Variants in KLHL1 observed in about 807,000 individuals in gnomAD.
KLHL1 encodes kelch like family member 1, also known as kelch-like protein 1.
In KLHL1, 47 loss-of-function variants were observed where a neutral mutation model predicts 77.7. That is an observed-to-expected ratio of 0.60 (90% CI 0.48 to 0.77). KLHL1 has a LOEUF of 0.77. KLHL1 is among the 30% of genes least tolerant of loss of function. The pLI, the probability that KLHL1 is intolerant of heterozygous loss-of-function variation, is 0.00. For missense variants in KLHL1, 925 were observed against 910.8 expected (o/e 1.02, Z -0.20); for synonymous variants, 360 against 325.2 (o/e 1.11, Z -1.15).
intron 7 of KLHL1, among the ~76,000 whole-genome samples, chr13:69,781,310 A>T: frequency 7.8e-6 from 1 of 128,026 alleles, no homozygotes; most frequent in Non-Finnish European, 1.6e-5. Context: ...TTTTTTGTCA[A>T]ATATCAAGTT....
At chr13:69,912,639 G>A (rs564661661) in intron 4 of KLHL1, among the ~76,000 whole-genome samples, 2 of 152,192 alleles carry the variant, frequency 1.3e-5, no homozygotes, top group East Asian at 1.9e-4. Context: ...TATATTGGGA[G>A]GTAGCAGGTG....
intron 8 of KLHL1, among the ~76,000 whole-genome samples, chr13:69,725,008 TGTG>T (rs1314865856): frequency 1.3e-5 from 2 of 152,152 alleles, no homozygotes; most frequent in Non-Finnish European, 2.9e-5. Context: ...ATGCTGCACA[TGTG>T]GTGGGTTTGT....
chr13:69,706,050 C>T (rs1875611222), intron 10 of KLHL1, among the ~76,000 whole-genome samples: 1 of 151,676 alleles, frequency 6.6e-6, no homozygotes, highest in South Asian at 2.1e-4. Flanking sequence ...TTAATGCATG[C>T]AGGGTTTGCT....
chr13:70,042,697 T>G (rs1886405410), intron 1 of KLHL1, among the ~76,000 whole-genome samples: 1 of 152,204 alleles, frequency 6.6e-6, no homozygotes, highest in Non-Finnish European at 1.5e-5. Flanking sequence ...ATTATAATTT[T>G]TATTATTCTT....
At chr13:69,942,571 C>A (rs1191276570) in intron 3 of KLHL1, among the ~76,000 whole-genome samples, 1 of 151,972 alleles carries the variant, frequency 6.6e-6, no homozygotes, top group Non-Finnish European at 1.5e-5. Context: ...TTTTCCATAT[C>A]ATATTTTGTT....
At chr13:69,999,707 G>A (rs575703518) in intron 1 of KLHL1, among the ~76,000 whole-genome samples, 44 of 152,154 alleles carry the variant, frequency 2.9e-4, no homozygotes, top group Non-Finnish European at 2.9e-4. Flanking sequence ...GTGTGGAACT[G>A]TGGTAGAACT....
chr13:69,874,976 A>G (rs1880712813), intron 5 of KLHL1, among the ~76,000 whole-genome samples: 1 of 152,088 alleles, frequency 6.6e-6, no homozygotes, highest in African/African-American at 2.4e-5. Flanking sequence ...TGTTTTTTGT[A>G]ATTTGTTTCT....
Position 69,719,416 on chromosome 13 carries a change from A to G in KLHL1, c.1968T>C (p.Asp656=), listed in dbSNP as rs760052300. 4 of 1,613,580 alleles carry G rather than the reference A, an allele frequency of 2.5e-6. No homozygotes were observed. In the East Asian group the frequency reaches 8.9e-5, roughly 36 times the overall value. ...GGGAACAGTGATTTGAAGCAGGAGC[A>G]TCATGACCTCCTACTGCATAAAGAA... is the stretch of plus-strand genomic sequence containing the variant. ...DGFLYAVGGH[D]APASNHCSRL... Residue 656 remains aspartate, a synonymous_variant, in exon 9 of 11, where the codon GAT becomes GAC. Transcript: ENST00000377844.
chr13:69,769,672 C>T (rs375043213), intron 7 of KLHL1, among the ~76,000 whole-genome samples: 30 of 152,224 alleles, frequency 2.0e-4, no homozygotes, highest in African/African-American at 6.7e-4. Flanking sequence ...ATATAAAAGC[C>T]CAGGACTCAG....
intron 5 of KLHL1, among the ~76,000 whole-genome samples, chr13:69,861,704 C>T (rs1327263211): frequency 2.0e-5 from 3 of 146,626 alleles, no homozygotes; most frequent in Non-Finnish European, 4.5e-5. Context: ...AATCCCAGCA[C>T]TTTGGGAGTG....
At chr13:69,941,464 G>A (rs1439241384) in intron 3 of KLHL1, among the ~76,000 whole-genome samples, 1 of 151,982 alleles carries the variant, frequency 6.6e-6, no homozygotes, top group African/African-American at 2.4e-5. Context: ...TAAGAGGAAA[G>A]TTTATAGCGA....
At chr13:69,932,283 A>AT (rs111301822) in intron 4 of KLHL1, among the ~76,000 whole-genome samples, 3,375 of 151,568 alleles carry the variant, frequency 0.022, 115 homozygotes, top group African/African-American at 0.077. Context: ...ATAAAGGGGG[A>AT]TTTTTGTATG....
chr13:69,870,381 C>T (rs74092626), intron 5 of KLHL1, among the ~76,000 whole-genome samples: 12,049 of 152,142 alleles, frequency 0.079, 864 homozygotes, highest in African/African-American at 0.19. Context: ...ATCTACCCCA[C>T]GACCCAAACA....
chr13:69,791,063 A>C (rs778263698), intron 7 of KLHL1, among the ~76,000 whole-genome samples: 13 of 152,122 alleles, frequency 8.5e-5, no homozygotes, highest in African/African-American at 2.4e-5. Context: ...ACACACACAC[A>C]CATAAAAAAG....
At chr13:69,728,227 T>TA (rs988597731) in intron 8 of KLHL1, among the ~76,000 whole-genome samples, 2 of 152,022 alleles carry the variant, frequency 1.3e-5, no homozygotes, top group Non-Finnish European at 2.9e-5. Context: ...AAAATTTGAA[T>TA]AAAAAATAGA....
chr13:69,780,472 C>G (rs1369004914), intron 7 of KLHL1, among the ~76,000 whole-genome samples: 1 of 151,548 alleles, frequency 6.6e-6, no homozygotes, highest in Non-Finnish European at 1.5e-5. Context: ...GAAATAGTGT[C>G]TGCACTAAAA....
chr13:69,815,489 T>A (rs1325978456), intron 6 of KLHL1, among the ~76,000 whole-genome samples: 2 of 152,276 alleles, frequency 1.3e-5, no homozygotes, highest in East Asian at 3.9e-4. Flanking sequence ...CGCTTATATG[T>A]GGGAGGTAAA....
rs1880239117 is a variant in KLHL1 at position 69,863,190 on chromosome 13, A to G, written c.1227+19093T>C. 2.6e-5 allele frequency among the ~76,000 whole-genome samples: 4 copies of G among 152,036 alleles called. No homozygotes were observed. In the South Asian group the frequency reaches 6.2e-4, roughly 24 times the overall value. On this transcript the variant is annotated intron_variant, in intron 5 of 10. Coordinates refer to ENST00000377844, the MANE Select transcript of KLHL1 (RefSeq NM_020866.3). Reference sequence around the variant, plus strand: ...TTGGCATTTTGTATATGTTGTAATTATTCACTTTTATTTTTGTTTTTTCTC... The same window carrying G: ...TTGGCATTTTGTATATGTTGTAATTGTTCACTTTTATTTTTGTTTTTTCTC...
chr13:70,008,159 A>G (rs1885449514), intron 1 of KLHL1, among the ~76,000 whole-genome samples: 1 of 151,942 alleles, frequency 6.6e-6, no homozygotes, highest in Admixed American at 6.6e-5. Flanking sequence ...AGGACCTAGG[A>G]GATAGTTTAT....
Sources: allele counts gnomAD v4.1 joint callset (sites outside exome capture counted in the v4.1 genomes callset), GRCh38; gene constraint gnomAD v4.1.1; transcripts MANE v1.5; gene names NCBI Gene and HGNC (gene_info 2026-07-23, HGNC 2026-07-21).